The following TUBGCP3 variants were observed in gnomAD, a reference collection of about 807,000 sequenced individuals.
The protein encoded by TUBGCP3 is gamma-tubulin complex component 3.
Under a neutral mutation model 123.1 loss-of-function variants are expected in TUBGCP3, and 50 were observed. The observed-to-expected ratio is 0.41, with a 90% CI of 0.32 to 0.51. The LOEUF is 0.51. TUBGCP3 is among the 20% of genes least tolerant of loss of function. The pLI is 0.36. For missense variants in TUBGCP3, 882 were observed against 1,127.0 expected (o/e 0.78, Z 3.11); for synonymous variants, 405 against 413.9 (o/e 0.98, Z 0.26).
chr13:112,487,540 C>T (rs985503712), intron 21 of TUBGCP3, among the ~76,000 whole-genome samples: 2 of 152,210 alleles, frequency 1.3e-5, no homozygotes, highest in African/African-American at 4.8e-5. Context: ...CACATTGCTC[C>T]TTTGTAGCTA....
Position 112,557,371 on chromosome 13 carries a change from T to C in TUBGCP3, c.548+825A>G, listed in dbSNP as rs186032737. Among the ~76,000 whole-genome samples the C allele has an allele frequency of 2.4e-3, 369 of 152,350 alleles. 3 individuals carry two copies. The highest frequency in any genetic ancestry group is 4.0e-3 in the Non-Finnish European group (271 of 68,034). On this transcript the variant is annotated intron_variant, in intron 5 of 21. Transcript: ENST00000261965. ...AGAACACACATTCTGTTTTCGAGTA[T>C]CTTGAACATAATTGAATAAATCACA...
intron 17 of TUBGCP3, among the ~76,000 whole-genome samples, chr13:112,515,809 C>T (rs553128454): frequency 6.6e-6 from 1 of 152,356 alleles, no homozygotes; most frequent in African/African-American, 2.4e-5. Context: ...CTGGTAGCTG[C>T]TCAGGGACCA....
chr13:112,581,345 T>A (rs1184225797), intron 1 of TUBGCP3, among the ~76,000 whole-genome samples: 1 of 152,204 alleles, frequency 6.6e-6, no homozygotes, highest in African/African-American at 2.4e-5. Flanking sequence ...TTTTTCTCCT[T>A]ATATTTTTCC....
chr13:112,566,151 G>A (rs1566583709), intron 2 of TUBGCP3, among the ~76,000 whole-genome samples: 2 of 152,192 alleles, frequency 1.3e-5, no homozygotes, highest in East Asian at 1.9e-4. Context: ...GTTCCATGAA[G>A]GAGGAGAAGC....
intron 14 of TUBGCP3, among the ~76,000 whole-genome samples, chr13:112,520,558 T>C (rs1876535598): frequency 1.3e-5 from 2 of 152,130 alleles, no homozygotes; most frequent in African/African-American, 4.8e-5. Context: ...GAACTGATTT[T>C]GATTCAGCTT....
chr13:112,587,686 G>A (rs930163342), intron 1 of TUBGCP3, among the ~76,000 whole-genome samples: 2 of 151,890 alleles, frequency 1.3e-5, no homozygotes, highest in Non-Finnish European at 2.9e-5. Context: ...CTCCGCCCCG[G>A]TCCTGGCCCC....
chr13:112,533,709 T>G (rs895558803), intron 11 of TUBGCP3, among the ~76,000 whole-genome samples: 2 of 151,284 alleles, frequency 1.3e-5, no homozygotes, highest in African/African-American at 4.9e-5. Flanking sequence ...ATTTATTTAT[T>G]TAAAAAATAA....
intron 11 of TUBGCP3, among the ~76,000 whole-genome samples, chr13:112,541,032 T>G (rs1878479026): frequency 6.6e-6 from 1 of 152,228 alleles, no homozygotes; most frequent in African/African-American, 2.4e-5. Context: ...GGTCTGCTTT[T>G]GTCTCACCTC....
chr13:112,567,976 C>T (rs1881090864), intron 2 of TUBGCP3, among the ~76,000 whole-genome samples: 1 of 147,024 alleles, frequency 6.8e-6, no homozygotes, highest in African/African-American at 2.7e-5. Flanking sequence ...ATCACTAAGA[C>T]CTAAGGCCAA....
intron 17 of TUBGCP3, among the ~76,000 whole-genome samples, chr13:112,507,084 A>G (rs1311405895): frequency 6.6e-6 from 1 of 152,232 alleles, no homozygotes; most frequent in African/African-American, 2.4e-5. Context: ...TTTCCAGTGC[A>G]GCAAAGTTAT....
At chr13:112,498,876 C>T (rs770947592) in intron 20 of TUBGCP3, 169 bp downstream of exon 20, 2 of 1,611,824 alleles carry the variant, frequency 1.2e-6, no homozygotes, top group East Asian at 2.2e-5. Context: ...GGTGGCCCCT[C>T]CCTCTTTACA....
chr13:112,584,627 A>C (rs377624087), intron 1 of TUBGCP3, among the ~76,000 whole-genome samples: 2 of 152,216 alleles, frequency 1.3e-5, no homozygotes, highest in African/African-American at 4.8e-5. Flanking sequence ...GAGGTCTTGC[A>C]TATTATGGCA....
intron 1 of TUBGCP3, chr13:112,587,454 C>G (rs1244168681): frequency 6.3e-6 from 1 of 158,402 alleles, no homozygotes; most frequent in Non-Finnish European, 1.4e-5. Flanking sequence ...CGCGGCGCAG[C>G]CGCTCTCTCC....
chr13:112,487,934 C>G (rs916392980), intron 21 of TUBGCP3, among the ~76,000 whole-genome samples: 3 of 151,894 alleles, frequency 2.0e-5, no homozygotes, highest in African/African-American at 7.3e-5. Flanking sequence ...GAGTTCAAGA[C>G]CAGCCTGGCC....
At chr13:112,573,364 C>T (rs1372380530) in intron 1 of TUBGCP3, among the ~76,000 whole-genome samples, 4 of 151,910 alleles carry the variant, frequency 2.6e-5, no homozygotes, top group African/African-American at 4.8e-5. Context: ...ATGGAAATTA[C>T]GACAGCCAAG....
intron 1 of TUBGCP3, among the ~76,000 whole-genome samples, chr13:112,582,197 T>C (rs1241310820): frequency 6.6e-6 from 1 of 152,246 alleles, no homozygotes; most frequent in Non-Finnish European, 1.5e-5. Flanking sequence ...TACACGCTTC[T>C]GGTTTAAATA....
intron 10 of TUBGCP3, 144 bp downstream of exon 10, chr13:112,547,476 G>A (rs550211698): frequency 2.1e-5 from 27 of 1,300,150 alleles, no homozygotes; most frequent in Admixed American, 1.5e-4. Flanking sequence ...CCCTACAAAC[G>A]AGTTCTGAAA....
Position 112,565,313 on chromosome 13 carries a change from G to A in TUBGCP3, c.185-135C>T, listed in dbSNP as rs950008314. On this transcript the variant is annotated intron_variant, in intron 2 of 21. Coordinates refer to ENST00000261965, the MANE Select transcript of TUBGCP3 (RefSeq NM_006322.6). ...AAAAGTCACTGTCAAATTAGATGAT[G>A]AGCAACTTTTAAGCTCTATGAATCT... 24 of 709,430 alleles carry A rather than the reference G, an allele frequency of 3.4e-5. No homozygotes were observed. The African/African-American group carries it at 3.7e-4, about 11-fold the overall frequency. The allele number at this position is 709,430 out of a possible 1,614,324, so 43.9% of individuals were successfully genotyped here. A position where few individuals can be genotyped will look rare whatever the true frequency, so the allele number is the denominator to read the frequency against.
intron 8 of TUBGCP3, among the ~76,000 whole-genome samples, chr13:112,551,111 AC>A (rs1879547113): frequency 6.6e-6 from 1 of 152,160 alleles, no homozygotes; most frequent in South Asian, 2.1e-4. Context: ...CAAAAAAAAA[AC>A]AAAAACAAAA....
Sources: allele counts gnomAD v4.1 joint callset (sites outside exome capture counted in the v4.1 genomes callset), GRCh38; gene constraint gnomAD v4.1.1; transcripts MANE v1.5; gene names NCBI Gene and HGNC (gene_info 2026-07-23, HGNC 2026-07-21).